Variants in ELOVL2 observed in about 807,000 individuals in gnomAD.
ELOVL2 encodes very long chain fatty acid elongase 2.
A neutral mutation model predicts 37.7 loss-of-function variants in ELOVL2; 38 were observed. The ratio of observed to expected loss-of-function variants is 1.01; its 90% CI spans 0.78 to 1.32. ELOVL2 has a LOEUF of 1.32. ELOVL2 is among the 40% of genes most tolerant of loss of function. ELOVL2 has a pLI of 0.00. For synonymous variants in ELOVL2, 115 were observed against 122.3 expected, an observed-to-expected ratio of 0.94 and a Z score of 0.40; for missense variants, 352 against 363.6, an observed-to-expected ratio of 0.97 and a Z score of 0.26.
chr6:11,038,133 G>T (rs1783042651), intron 1 of ELOVL2, among the ~76,000 whole-genome samples: 1 of 152,196 alleles, frequency 6.6e-6, no homozygotes, highest in Non-Finnish European at 1.5e-5. Context: ...CTTTGAAACT[G>T]TAAAGTAGGT....
Position 10,983,487 on chromosome 6 carries a change from G to T in ELOVL2, c.*294C>A. ...CTCCACGTTTCCTGGCTGTGTATGC[G>T]TATAAGGCGTTATAAGGACAGCTTC... is the stretch of plus-strand genomic sequence containing the variant. On this transcript the variant is annotated 3_prime_UTR_variant, in exon 8 of 8. Transcript: ENST00000354666. The T allele has an allele frequency of 4.3e-6, 1 of 233,012 alleles. No homozygotes were observed. The allele number at this position is 233,012 out of a possible 1,614,324, so 14.4% of individuals were successfully genotyped here. A position where few individuals can be genotyped will look rare whatever the true frequency, so the allele number is the denominator to read the frequency against.
intron 1 of ELOVL2, among the ~76,000 whole-genome samples, chr6:11,032,821 T>C (rs1253221170): frequency 6.6e-6 from 1 of 152,160 alleles, no homozygotes; most frequent in Non-Finnish European, 1.5e-5. Flanking sequence ...AACAAGTAAC[T>C]AATAACATGC....
At chr6:10,992,307 C>A (rs901700297) in intron 5 of ELOVL2, among the ~76,000 whole-genome samples, 1 of 152,226 alleles carries the variant, frequency 6.6e-6, no homozygotes, top group Non-Finnish European at 1.5e-5. Flanking sequence ...AATCCTGGAA[C>A]AAAGTCATTT....
Position 10,982,299 on chromosome 6 carries a change from A to C in ELOVL2, c.*1482T>G, listed in dbSNP as rs1198609346. ...AAACTAGAGCTCAGGGGGGAAAAAAAGCCGAGAGAGAAAGGCACTCTGGAC... is the reference window on the plus strand; with the variant it reads ...AAACTAGAGCTCAGGGGGGAAAAAACGCCGAGAGAGAAAGGCACTCTGGAC... On this transcript the variant is annotated 3_prime_UTR_variant, in exon 8 of 8. Transcript: ENST00000354666. 1 of 152,256 alleles carries C rather than the reference A, an allele frequency of 6.6e-6. No homozygotes were observed. The highest frequency in any genetic ancestry group is 2.4e-5 in the African/African-American group (1 of 41,536). 9.4% of individuals were successfully genotyped at this position (152,256 alleles called of 1,614,324 possible).
At chr6:11,035,572 T>C (rs1042957292) in intron 1 of ELOVL2, among the ~76,000 whole-genome samples, 1 of 152,216 alleles carries the variant, frequency 6.6e-6, no homozygotes, top group Non-Finnish European at 1.5e-5. Context: ...GTTGGCTCTT[T>C]AGCTACCAGC....
intron 4 of ELOVL2, among the ~76,000 whole-genome samples, chr6:10,999,108 G>A (rs1318762613): frequency 6.6e-6 from 1 of 152,056 alleles, no homozygotes; most frequent in Non-Finnish European, 1.5e-5. Flanking sequence ...ATCTCACTAG[G>A]GGCGTTCAGT....
intron 5 of ELOVL2, among the ~76,000 whole-genome samples, chr6:10,993,873 T>C (rs1246819083): frequency 1.4e-5 from 2 of 140,772 alleles, no homozygotes; most frequent in Non-Finnish European, 3.1e-5. Flanking sequence ...TTTTTTTTTT[T>C]TTTTTTTTTT....
At chr6:10,989,889 A>C (rs542457189) in intron 6 of ELOVL2, 52 bp from the exon 7 acceptor site, 1 of 1,608,150 alleles carries the variant, frequency 6.2e-7, no homozygotes. Flanking sequence ...TGTGCCACAC[A>C]GACACTGCGG....
chr6:11,010,820 A>G lies in ELOVL2; in HGVS notation c.4-11T>C. 1 of 1,596,092 alleles carries G rather than the reference A, an allele frequency of 6.3e-7. No individual in the cohort carries two copies. Among genetic ancestry groups the G allele is most frequent in the Non-Finnish European group, 8.5e-7 (1 of 1,172,698 alleles). On this transcript the variant is annotated splice_polypyrimidine_tract_variant and intron_variant, in intron 1 of 7. Transcript: ENST00000354666. Reference sequence around the variant, plus strand: ...GGCCTTTAGATGTTCCTAAAAAGAGAAAGAAAAAATGATTTAAGTGTTTTT... The same window carrying G: ...GGCCTTTAGATGTTCCTAAAAAGAGGAAGAAAAAATGATTTAAGTGTTTTT...
rs1158511913 is a variant in ELOVL2 at position 10,983,177 on chromosome 6, T to C, written c.*604A>G. 1 of 152,182 alleles carries C rather than the reference T, an allele frequency of 6.6e-6. No individual in the cohort carries two copies. The highest frequency in any genetic ancestry group is 1.9e-4 in the East Asian group (1 of 5,204). 9.4% of individuals were successfully genotyped at this position (152,182 alleles called of 1,614,324 possible). On this transcript the variant is annotated 3_prime_UTR_variant, in exon 8 of 8. Coordinates refer to ENST00000354666, the MANE Select transcript of ELOVL2 (RefSeq NM_017770.4). ...AATAAATACCAATTTCATTACCATA[T>C]CACTAAATTTAGAATCAGGAGTGGT...
rs772124241 is a variant in ELOVL2 at position 11,010,783 on chromosome 6, TTCA to T, written c.27_29del (p.Asp9del). 1 of 1,612,308 alleles carries T rather than the reference TTCA, an allele frequency of 6.2e-7. No homozygotes were observed. The highest frequency in any genetic ancestry group is 1.7e-5 in the Admixed American group (1 of 59,720). ...ACATATTGTCCAAAAAAGCATTGAT[TTCA>T]TCATCAAAGGCCTTTAGATGTTCCT... is the stretch of plus-strand genomic sequence containing the variant. On this transcript the variant is annotated inframe_deletion, in exon 2 of 8. Transcript: ENST00000354666.
chr6:11,042,401 T>C (rs1783112410), intron 1 of ELOVL2, among the ~76,000 whole-genome samples: 1 of 99,346 alleles, frequency 1.0e-5, no homozygotes, highest in South Asian at 5.5e-4. Flanking sequence ...TGAGAAATAC[T>C]TATCTAAACA....
At chr6:11,040,071 A>C (rs528472239) in intron 1 of ELOVL2, among the ~76,000 whole-genome samples, 49 of 152,194 alleles carry the variant, frequency 3.2e-4, no homozygotes, top group Non-Finnish European at 6.8e-4. Context: ...ATTTTGAAAT[A>C]TTTTCAAGTA....
In ELOVL2 at chr6:10,989,637, C is replaced by CT; in HGVS notation, c.765+65dup. 3 of 1,490,430 alleles carry CT rather than the reference C, an allele frequency of 2.0e-6. No homozygotes were observed. The South Asian group carries it at 3.6e-5, about 18-fold the overall frequency. The allele number at this position is 1,490,430 out of a possible 1,614,324, so 92.3% of individuals were successfully genotyped here. ...CTGGGCAATAAGAGCGAAACTCTGT[C>CT]TCCAAAAAAAAAAAAATAGTGCCAA... On this transcript the variant is annotated intron_variant, in intron 7 of 7. Transcript: ENST00000354666.
chr6:10,994,693 C>T (rs1327029352), intron 5 of ELOVL2, among the ~76,000 whole-genome samples: 1 of 152,164 alleles, frequency 6.6e-6, no homozygotes, highest in African/African-American at 2.4e-5. Flanking sequence ...TGTATTTCCA[C>T]AGGAGTCAAA....
intron 1 of ELOVL2, among the ~76,000 whole-genome samples, chr6:11,016,734 C>T (rs1782690528): frequency 6.6e-6 from 1 of 152,168 alleles, no homozygotes; most frequent in Non-Finnish European, 1.5e-5. Flanking sequence ...TTGGTAACTC[C>T]TGGGGGGATT....
At chr6:11,036,934 G>C (rs1468701644) in intron 1 of ELOVL2, among the ~76,000 whole-genome samples, 1 of 151,364 alleles carries the variant, frequency 6.6e-6, no homozygotes, top group Non-Finnish European at 1.5e-5. Flanking sequence ...TGAGGAGGGA[G>C]AGAGATGGAG....
intron 1 of ELOVL2, among the ~76,000 whole-genome samples, chr6:11,041,796 A>T (rs9468303): frequency 0.2 from 30,636 of 152,082 alleles, 4,321 homozygotes; most frequent in East Asian, 0.63. Context: ...ACTAATTTTT[A>T]AAAAACCAAT....
chr6:11,016,056 C>T (rs1316189033), intron 1 of ELOVL2, among the ~76,000 whole-genome samples: 2 of 150,832 alleles, frequency 1.3e-5, no homozygotes, highest in Admixed American at 6.7e-5. Flanking sequence ...ATTCTGCCTG[C>T]GCTTTCTCTG....
Sources: allele counts gnomAD v4.1 joint callset (sites outside exome capture counted in the v4.1 genomes callset), GRCh38; gene constraint gnomAD v4.1.1; transcripts MANE v1.5; gene names NCBI Gene and HGNC (gene_info 2026-07-23, HGNC 2026-07-21).